NSUN4: variants seen among roughly 807,000 people sequenced by gnomAD.
NSUN4 encodes the protein 5-cytosine rRNA methyltransferase NSUN4.
In NSUN4, 31 loss-of-function variants were observed where a neutral mutation model predicts 43.8. The ratio of observed to expected loss-of-function variants is 0.71; its 90% confidence interval spans 0.53 to 0.96. The LOEUF is 0.96. NSUN4 is among the 40% of genes least tolerant of loss of function. The probability of loss-of-function intolerance (pLI) is 0.00; values close to 1 mark genes in which losing one functional copy is unlikely to be tolerated. For missense variants in NSUN4, 439 were observed against 475.6 expected (o/e 0.92, Z 0.72); for synonymous variants, 167 against 184.1 (o/e 0.91, Z 0.75).
chr1:46,349,929 T>A (rs1431912848), intron 3 of NSUN4, among the ~76,000 whole-genome samples: 1 of 152,128 alleles, frequency 6.6e-6, no homozygotes, highest in African/African-American at 2.4e-5. Flanking sequence ...AATTGAGAGT[T>A]GTTCTTCTAA....
Position 46,346,190 on chromosome 1 carries a change from C to T in NSUN4, c.438-731C>T, listed in dbSNP as rs1361470698. On this transcript the variant is annotated intron_variant, in intron 2 of 5. Coordinates refer to ENST00000474844, the MANE Select transcript of NSUN4 (RefSeq NM_199044.4). ...AAAAAATTATCTACCAAATGCTAGG[C>T]ATTTAAGTGCCTTGATGAACAAGCC... 2.0e-5 allele frequency among the ~76,000 whole-genome samples: 3 copies of T among 149,120 alleles called. 1 individual carries two copies. In the East Asian group the frequency reaches 5.9e-4, roughly 30 times the overall value.
intron 3 of NSUN4, among the ~76,000 whole-genome samples, chr1:46,347,912 CTG>C (rs1458072801): frequency 1.9e-4 from 28 of 147,916 alleles, no homozygotes; most frequent in Non-Finnish European, 3.4e-4. Context: ...GAGTCTCACT[CTG>C]TCACCCAGGT....
intron 3 of NSUN4, among the ~76,000 whole-genome samples, chr1:46,351,466 A>G (rs1662975207): frequency 6.6e-6 from 1 of 152,280 alleles, no homozygotes; most frequent in South Asian, 2.1e-4. Flanking sequence ...AATAAACTGT[A>G]GTATCTACCA....
chr1:46,358,059 C>T (rs1330825058), intron 4 of NSUN4, among the ~76,000 whole-genome samples: 5 of 151,998 alleles, frequency 3.3e-5, no homozygotes, highest in Non-Finnish European at 2.9e-5. Context: ...GGATTACAGG[C>T]GCCCGCCACC....
downstream of NSUN4, among the ~76,000 whole-genome samples, chr1:46,367,328 T>C (rs2148429801): frequency 6.6e-6 from 1 of 152,330 alleles, no homozygotes; most frequent in Non-Finnish European, 1.5e-5. Flanking sequence ...CGAACGTACC[T>C]GAGCCAGGCC....
At chr1:46,378,234 T>C in the NSUN4 span, among the ~76,000 whole-genome samples, 1 of 148,800 alleles carries the variant, frequency 6.7e-6, no homozygotes, top group African/African-American at 2.5e-5. Context: ...GGAGTTTCTC[T>C]CTGTTCAGGC....
chr1:46,341,086 C>G (rs1256213676), intron 1 of NSUN4, 167 bp downstream of exon 1: 2 of 1,188,156 alleles, frequency 1.7e-6, no homozygotes, highest in East Asian at 5.4e-5. Context: ...TGTCCGCACT[C>G]TATGTCCCGA....
downstream of NSUN4, among the ~76,000 whole-genome samples, chr1:46,366,675 A>G (rs576030309): frequency 1.1e-3 from 149 of 133,192 alleles, 4 homozygotes; most frequent in South Asian, 0.033. Flanking sequence ...GCTGGCCAAC[A>G]TGGTGAAACC....
chr1:46,360,144 G>A (rs1428093977), intron 4 of NSUN4, among the ~76,000 whole-genome samples: 1 of 145,030 alleles, frequency 6.9e-6, no homozygotes, highest in Non-Finnish European at 1.5e-5. Flanking sequence ...CAGGAGAATG[G>A]CGTAAACCCG....
the NSUN4 span, among the ~76,000 whole-genome samples, chr1:46,379,883 T>G: frequency 1.3e-5 from 2 of 152,142 alleles, no homozygotes; most frequent in African/African-American, 4.8e-5. Flanking sequence ...TAATCCTATT[T>G]ATGAGGCCAG....
chr1:46,352,780 A>G (rs17413701), intron 3 of NSUN4, 88 bp from the exon 4 acceptor site: 312,384 of 1,277,614 alleles, frequency 0.24, 41,822 homozygotes, highest in Non-Finnish European at 0.28. Flanking sequence ...GGCTGGGACT[A>G]CCTGAGAATT....
At chr1:46,343,353 G>T (rs7525309) in intron 1 of NSUN4, 94,740 of 399,756 alleles carry the variant, frequency 0.24, 12,730 homozygotes, top group Non-Finnish European at 0.29. Flanking sequence ...CCGAGTCCGG[G>T]CCTACCCTGA....
At chr1:46,371,149 T>C in the NSUN4 span, among the ~76,000 whole-genome samples, 1 of 151,542 alleles carries the variant, frequency 6.6e-6, no homozygotes, top group East Asian at 1.9e-4. Context: ...TTTTTTTTTT[T>C]TTTTTGAGAC....
chr1:46,375,330 G>A, the NSUN4 span, among the ~76,000 whole-genome samples: 1 of 151,582 alleles, frequency 6.6e-6, no homozygotes, highest in Non-Finnish European at 1.5e-5. Flanking sequence ...AGCTACTCGG[G>A]AAGCTGAGGC....
chr1:46,374,242 C>G, the NSUN4 span, among the ~76,000 whole-genome samples: 3 of 140,862 alleles, frequency 2.1e-5, no homozygotes, highest in Non-Finnish European at 4.5e-5. Flanking sequence ...GCCGAGATCG[C>G]ACCATTGCAC....
At position 46,344,788 on chromosome 1, in the gene NSUN4, C is replaced by T. The variant is rs775801730; in HGVS notation, c.94-13C>T. 16 of 1,607,804 alleles carry T rather than the reference C, an allele frequency of 1.0e-5. No individual in the cohort carries two copies. The South Asian group carries it at 1.4e-4, about 14-fold the overall frequency. The stretch of plus-strand genomic sequence containing the variant: ...GACTGGGAAAACCAATAAGCCTGTC[C>T]TCTCTCTTTTAGGCTGCCACAGAGC... On this transcript the variant is annotated splice_polypyrimidine_tract_variant and intron_variant, in intron 1 of 5. Coordinates refer to ENST00000474844, the MANE Select transcript of NSUN4 (RefSeq NM_199044.4).
intron 4 of NSUN4, among the ~76,000 whole-genome samples, chr1:46,360,228 CA>C (rs1240539714): frequency 3.4e-4 from 12 of 35,018 alleles, no homozygotes; most frequent in Non-Finnish European, 5.2e-4. Context: ...GACTCCATCT[CA>C]AAAAAAAAAA....
chr1:46,373,862 G>A, the NSUN4 span, among the ~76,000 whole-genome samples: 1 of 147,170 alleles, frequency 6.8e-6, no homozygotes, highest in East Asian at 2.1e-4. Flanking sequence ...AGAGGAATCT[G>A]AAAAAGTGGA....
intron 1 of NSUN4, chr1:46,341,211 T>C (rs1421757794): frequency 8.7e-7 from 1 of 1,144,178 alleles, no homozygotes; most frequent in African/African-American, 1.6e-5. Context: ...CCCAGCTGTG[T>C]CCACCTACCT....
Sources: allele counts gnomAD v4.1 joint callset (sites outside exome capture counted in the v4.1 genomes callset), GRCh38; gene constraint gnomAD v4.1.1; transcripts MANE v1.5; gene names NCBI Gene and HGNC (gene_info 2026-07-23, HGNC 2026-07-21).